The following FOXP2 variants were observed in gnomAD, a reference collection of about 807,000 sequenced individuals.
FOXP2 encodes the protein forkhead box protein P2.
In FOXP2, 12 loss-of-function variants were observed where a neutral mutation model predicts 115.8. That is an observed-to-expected ratio of 0.10 (90% confidence interval 0.07 to 0.17). The LOEUF (loss-of-function observed/expected upper bound fraction) is 0.17, where lower values mean the gene tolerates loss of function less well. Among genes scored for constraint, FOXP2 ranks in the 10% least tolerant of loss-of-function variants. FOXP2 has a pLI of 1.00. For synonymous variants in FOXP2, 328 were observed against 297.7 expected (o/e 1.10, Z -1.05); for missense variants, 629 against 843.5 (o/e 0.75, Z 3.15).
chr7:114,615,518 G>A lies in FOXP2; in HGVS notation c.259-13022G>A, dbSNP rs369301670. On this transcript the variant is annotated intron_variant, in intron 3 of 16. Transcript: ENST00000350908. The stretch of plus-strand genomic sequence containing the variant: ...GTTTTCTTCTTAAAACATTCTTTTG[G>A]CTTGGATATTATAATACCATTCTCC... Among the ~76,000 whole-genome samples the A allele has an allele frequency of 9.9e-5, 15 of 152,098 alleles. No individual in the cohort carries two copies. The South Asian group carries it at 1.5e-3, about 15-fold the overall frequency.
At chr7:114,218,073 G>T (rs781713326) in intron 1 of FOXP2, among the ~76,000 whole-genome samples, 4 of 152,054 alleles carry the variant, frequency 2.6e-5, no homozygotes, top group Non-Finnish European at 4.4e-5. Context: ...AATAGTTATT[G>T]TATCTGTTTT....
At chr7:114,446,500 G>A (rs574785568) in intron 2 of FOXP2, among the ~76,000 whole-genome samples, 1 of 151,636 alleles carries the variant, frequency 6.6e-6, no homozygotes, top group Non-Finnish European at 1.5e-5. Flanking sequence ...TTAACACAAT[G>A]GGTAATGTAA....
chr7:114,318,379 G>GTTTTTTTTTTT (rs201941261), intron 2 of FOXP2, among the ~76,000 whole-genome samples: 1 of 116,826 alleles, frequency 8.6e-6, no homozygotes, highest in East Asian at 2.5e-4. Flanking sequence ...GTCTCTCTTT[G>GTTTTTTTTTTT]TTTTTTTTTT....
At chr7:114,101,316 G>A (rs919434953) in intron 1 of FOXP2, among the ~76,000 whole-genome samples, 5 of 152,154 alleles carry the variant, frequency 3.3e-5, no homozygotes, top group African/African-American at 1.2e-4. Flanking sequence ...AAGACATGCA[G>A]AAACAGGAGA....
intron 2 of FOXP2, among the ~76,000 whole-genome samples, chr7:114,336,539 T>C (rs1365677270): frequency 6.6e-6 from 1 of 151,542 alleles, no homozygotes; most frequent in Non-Finnish European, 1.5e-5. Context: ...AATAAATACA[T>C]TTTCCTAGAA....
At chr7:114,437,628 G>GT (rs1562926645) in intron 2 of FOXP2, among the ~76,000 whole-genome samples, 19 of 152,130 alleles carry the variant, frequency 1.2e-4, no homozygotes. Flanking sequence ...AAAATTAACT[G>GT]TAAGAATTAT....
At chr7:114,105,624 A>G (rs1003620891) in intron 1 of FOXP2, among the ~76,000 whole-genome samples, 1 of 152,038 alleles carries the variant, frequency 6.6e-6, no homozygotes, top group Admixed American at 6.6e-5. Context: ...GCTTCTGAAC[A>G]TTCTTCCTTC....
chr7:114,264,948 C>T (rs1240726625), intron 1 of FOXP2, among the ~76,000 whole-genome samples: 1 of 152,094 alleles, frequency 6.6e-6, no homozygotes, highest in Non-Finnish European at 1.5e-5. Context: ...ATGAGGGATC[C>T]TCCCACATGA....
chr7:114,291,103 A>G (rs1040497001), intron 2 of FOXP2, among the ~76,000 whole-genome samples: 1 of 152,180 alleles, frequency 6.6e-6, no homozygotes, highest in Non-Finnish European at 1.5e-5. Context: ...ACAAAGTACC[A>G]TAGACTGAAT....
At chr7:114,426,376 A>C in intron 1 of FOXP2, 126 bp from the exon 2 acceptor site, 1 of 831,896 alleles carries the variant, frequency 1.2e-6, no homozygotes, top group Admixed American at 2.1e-5. Flanking sequence ...GTAAATGACT[A>C]TTCAAGGCTT....
At chr7:114,545,504 A>G (rs939672618) in intron 3 of FOXP2, among the ~76,000 whole-genome samples, 1 of 152,142 alleles carries the variant, frequency 6.6e-6, no homozygotes, top group East Asian at 1.9e-4. Flanking sequence ...TTAATTTTTT[A>G]AAATAATATC....
chr7:114,540,681 T>TA (rs1489291219), intron 3 of FOXP2, among the ~76,000 whole-genome samples: 2 of 152,072 alleles, frequency 1.3e-5, no homozygotes, highest in Non-Finnish European at 2.9e-5. Context: ...GAAGACTTTG[T>TA]AGAGAAGGTA....
Position 114,691,832 on chromosome 7 carries a change from A to C in FOXP2, c.*1906A>C. 1 of 453,216 alleles carries C rather than the reference A, an allele frequency of 2.2e-6. No homozygotes were observed. Among genetic ancestry groups the C allele is most frequent in the Non-Finnish European group, 4.4e-6 (1 of 226,474 alleles). The allele number at this position is 453,216 out of a possible 1,614,324, so 28.1% of individuals were successfully genotyped here. On this transcript the variant is annotated 3_prime_UTR_variant, in exon 17 of 17. Transcript: ENST00000350908. ...GAAGTCAGCAAATAGAGTTAGAGAGATACCCAGTCATCTATCACACCAAAT... is the reference window on the plus strand; with the variant it reads ...GAAGTCAGCAAATAGAGTTAGAGAGCTACCCAGTCATCTATCACACCAAAT...
chr7:114,326,205 G>T (rs1797553462), intron 2 of FOXP2, among the ~76,000 whole-genome samples: 1 of 152,030 alleles, frequency 6.6e-6, no homozygotes, highest in South Asian at 2.1e-4. Flanking sequence ...CTTTCAACTA[G>T]AATTTTGATA....
intron 1 of FOXP2, among the ~76,000 whole-genome samples, chr7:114,117,826 T>C (rs1210265513): frequency 2.0e-5 from 3 of 152,120 alleles, no homozygotes; most frequent in Non-Finnish European, 4.4e-5. Flanking sequence ...GCCAGCATGA[T>C]TGAGTTCAGG....
upstream of FOXP2, among the ~76,000 whole-genome samples, chr7:114,409,418 G>GT (rs1425947501): frequency 6.6e-6 from 1 of 152,100 alleles, no homozygotes; most frequent in Admixed American, 6.6e-5. Flanking sequence ...AGTTGTATGA[G>GT]TGTCTTCATG....
chr7:114,642,777 A>AT (rs1563054293), intron 7 of FOXP2, among the ~76,000 whole-genome samples, 154 bp downstream of exon 7: 61 of 98,038 alleles, frequency 6.2e-4, no homozygotes, highest in East Asian at 2.3e-3. Flanking sequence ...TATTTTATAT[A>AT]TAATATATAT....
chr7:114,484,012 A>G (rs1273033427), intron 2 of FOXP2, among the ~76,000 whole-genome samples: 1 of 151,850 alleles, frequency 6.6e-6, no homozygotes, highest in East Asian at 1.9e-4. Flanking sequence ...ATTGACAGAT[A>G]TAAATCACAT....
chr7:114,394,275 C>T lies in FOXP2; in HGVS notation c.-10-32227C>T, dbSNP rs1792684327. Among the ~76,000 whole-genome samples, 3 of 151,896 alleles carry T rather than the reference C, an allele frequency of 2.0e-5. No homozygotes were observed. The East Asian group carries it at 5.8e-4, about 29-fold the overall frequency. On this transcript the variant is annotated intron_variant, in intron 2 of 17. Coordinates refer to the FOXP2 transcript ENST00000634411. Reference sequence around the variant, plus strand: ...ACATAGAAACCAACTTGAAGAGGCTCCCACTGATTAAATTGGAGACATTTG... The same window carrying T: ...ACATAGAAACCAACTTGAAGAGGCTTCCACTGATTAAATTGGAGACATTTG...
Sources: allele counts gnomAD v4.1 joint callset (sites outside exome capture counted in the v4.1 genomes callset), GRCh38; gene constraint gnomAD v4.1.1; transcripts MANE v1.5; gene names NCBI Gene and HGNC (gene_info 2026-07-23, HGNC 2026-07-21).